The following CDH4 variants were observed in gnomAD, a reference collection of about 807,000 sequenced individuals.
The protein encoded by CDH4 is cadherin-4.
Under a neutral mutation model 86.0 loss-of-function variants are expected in CDH4, and 33 were observed. That is an observed-to-expected ratio of 0.38 (90% confidence interval 0.29 to 0.51). CDH4 has a LOEUF of 0.51. Ranked by LOEUF, CDH4 falls within the 20% of genes least tolerant of loss-of-function variation. The pLI is 0.86. For synonymous variants in CDH4, 555 were observed against 549.4 expected, an observed-to-expected ratio of 1.01 and a Z score of -0.14; for missense variants, 1,114 against 1,307.4, an observed-to-expected ratio of 0.85 and a Z score of 2.28.
intron 2 of CDH4, among the ~76,000 whole-genome samples, chr20:61,324,876 G>A (rs1198405523): frequency 2.6e-5 from 4 of 152,128 alleles, no homozygotes; most frequent in African/African-American, 9.7e-5. Context: ...GAGAGCTTTG[G>A]GACATGGAAC....
Position 61,385,902 on chromosome 20 carries a change from G to A in CDH4, c.169+130965G>A, listed in dbSNP as rs193250532. Among the ~76,000 whole-genome samples, 3 of 152,316 alleles carry A rather than the reference G, an allele frequency of 2.0e-5. No individual in the cohort carries two copies. In the East Asian group the frequency reaches 5.8e-4, roughly 29 times the overall value. On this transcript the variant is annotated intron_variant, in intron 2 of 15. Transcript: ENST00000614565. The stretch of plus-strand genomic sequence containing the variant: ...GCACTTGGCATTTGCTATGTAGATT[G>A]CAGCTGCGGTTCATGCATCATGTGG...
intron 7 of CDH4, among the ~76,000 whole-genome samples, chr20:61,882,314 G>A (rs1277053460): frequency 1.3e-5 from 2 of 152,258 alleles, no homozygotes. Context: ...GGAAGGAGCG[G>A]GGATTTCATC....
chr20:61,499,445 G>A, intron 2 of CDH4: 1 of 1,289,076 alleles, frequency 7.8e-7, no homozygotes, highest in Non-Finnish European at 1.0e-6. Flanking sequence ...ATGAACGGCA[G>A]CTGTGACTTC....
At chr20:61,730,522 C>T (rs1344218564) in intron 2 of CDH4, among the ~76,000 whole-genome samples, 1 of 152,230 alleles carries the variant, frequency 6.6e-6, no homozygotes, top group East Asian at 1.9e-4. Context: ...GGAAATGGAA[C>T]TTGTGCATTT....
chr20:61,490,624 G>A (rs1038295421), intron 2 of CDH4, among the ~76,000 whole-genome samples: 26 of 152,020 alleles, frequency 1.7e-4, no homozygotes, highest in South Asian at 2.1e-4. Flanking sequence ...ATTTGAACCC[G>A]GGAGGCAGAG....
intron 2 of CDH4, among the ~76,000 whole-genome samples, chr20:61,585,954 GGATGAT>G (rs763331761): frequency 8.9e-4 from 131 of 147,262 alleles, no homozygotes; most frequent in Non-Finnish European, 1.6e-3. Flanking sequence ...GTGATGAGGA[GGATGAT>G]GGTGATGGTG....
chr20:61,792,751 A>G (rs1363523668), intron 4 of CDH4, among the ~76,000 whole-genome samples: 2 of 151,992 alleles, frequency 1.3e-5, no homozygotes, highest in African/African-American at 4.8e-5. Context: ...CCCAGGTTCA[A>G]GTGATTCTCC....
In CDH4 at chr20:61,754,824, A is replaced by G. The variant is rs1199542327; in HGVS notation, c.396+11035A>G. On this transcript the variant is annotated intron_variant, in intron 3 of 15. Transcript: ENST00000614565. This position sits in a 1 kb window ranked among gnomAD's most constrained non-coding sequence, Gnocchi z 4.7. The stretch of plus-strand genomic sequence containing the variant: ...ACACACCACACACACGATGCATGCC[A>G]CACACCACACACATGCCCCACACAC... 6.7e-6 allele frequency among the ~76,000 whole-genome samples: 1 copy of G among 149,870 alleles called. No individual in the cohort carries two copies. Among genetic ancestry groups the G allele is most frequent in the African/African-American group, 2.5e-5 (1 of 40,602 alleles).
rs149451519 is a variant in CDH4, at chr20:61,393,210, G to A, written c.169+138273G>A. ...TGACAACACTGTTTAATCGGTCCTC[G>A]CGGGAGCTTCCCTGGGGGTGCAGGA... is the stretch of plus-strand genomic sequence containing the variant. On this transcript the variant is annotated intron_variant, in intron 2 of 15. Transcript: ENST00000614565. The surrounding 1 kb of genome is among the most constrained non-coding windows in gnomAD (Gnocchi z 4.3). Among the ~76,000 whole-genome samples, 126 of 152,150 alleles carry A rather than the reference G, an allele frequency of 8.3e-4. No individual in the cohort carries two copies. The highest frequency in any genetic ancestry group is 2.8e-3 in the African/African-American group (117 of 41,494).
intron 8 of CDH4, among the ~76,000 whole-genome samples, chr20:61,903,459 TG>T (rs2054751214): frequency 7.3e-6 from 1 of 137,842 alleles, no homozygotes; most frequent in Non-Finnish European, 1.5e-5. Flanking sequence ...GCAGAAGAAT[TG>T]CTTGAACACA....
intron 2 of CDH4, among the ~76,000 whole-genome samples, chr20:61,704,137 A>G (rs762218043): frequency 1.3e-5 from 2 of 152,096 alleles, no homozygotes; most frequent in African/African-American, 4.8e-5. Context: ...GGGTCAGGAC[A>G]GTCCTCGGCA....
intron 2 of CDH4, among the ~76,000 whole-genome samples, chr20:61,555,872 G>A (rs73134540): frequency 0.022 from 3,329 of 152,284 alleles, 58 homozygotes; most frequent in African/African-American, 0.047. Context: ...GGATTCACAC[G>A]GTTTCTAGTC....
chr20:61,369,804 G>A (rs984557374), intron 2 of CDH4: 1 of 151,890 alleles, frequency 6.6e-6, no homozygotes, highest in African/African-American at 2.4e-5. Context: ...GATCACAGAA[G>A]ACCCCTGCAG....
At chr20:61,913,729 C>G (rs2054875803) in intron 9 of CDH4, among the ~76,000 whole-genome samples, 1 of 152,242 alleles carries the variant, frequency 6.6e-6, no homozygotes. Flanking sequence ...CTCCAGGGCT[C>G]AGCTGCTTGG....
At chr20:61,910,710 C>G (rs1381740241) in intron 9 of CDH4, 103 bp downstream of exon 9, 2 of 1,085,874 alleles carry the variant, frequency 1.8e-6, no homozygotes. Flanking sequence ...AAGTTACTGC[C>G]CCCCTAATAT....
Position 61,648,157 on chromosome 20 carries a change from G to A in CDH4, c.170-95406G>A, listed in dbSNP as rs147189982. The stretch of plus-strand genomic sequence containing the variant: ...CCGGCCACACCACACCATCGATTGA[G>A]TATTGCAGGGAACAGAAAAGGAAGA... On this transcript the variant is annotated intron_variant, in intron 2 of 15. Transcript: ENST00000614565. Among the ~76,000 whole-genome samples, 17 of 152,352 alleles carry A rather than the reference G, an allele frequency of 1.1e-4. No individual in the cohort carries two copies. In the East Asian group the frequency reaches 3.3e-3, roughly 29 times the overall value.
chr20:61,917,371 C>T (rs2054914565), intron 9 of CDH4, among the ~76,000 whole-genome samples: 1 of 152,258 alleles, frequency 6.6e-6, no homozygotes, highest in Admixed American at 6.5e-5. Context: ...GGTCCAGGCT[C>T]ATCCCAGGTT....
intron 3 of CDH4, among the ~76,000 whole-genome samples, chr20:61,756,256 G>A (rs1568797925): frequency 6.6e-6 from 1 of 151,440 alleles, no homozygotes; most frequent in Non-Finnish European, 1.5e-5. Flanking sequence ...CCTGGCCAGG[G>A]GCTCGGCTTC....
intron 2 of CDH4, among the ~76,000 whole-genome samples, chr20:61,515,977 G>C (rs1294418520): frequency 6.6e-6 from 1 of 151,924 alleles, no homozygotes; most frequent in African/African-American, 2.4e-5. Flanking sequence ...CTGGTTTCCT[G>C]GCTGCTCCAG....
Sources: allele counts gnomAD v4.1 joint callset (sites outside exome capture counted in the v4.1 genomes callset), GRCh38; gene constraint gnomAD v4.1.1; non-coding constraint Gnocchi (gnomAD v3.1); transcripts MANE v1.5; gene names NCBI Gene and HGNC (gene_info 2026-07-23, HGNC 2026-07-21).